TRAPPC10: variants seen among roughly 807,000 people sequenced by gnomAD.
The protein encoded by TRAPPC10 is trafficking protein particle complex subunit 10, also known as TRAPP 130 kDa subunit.
Under a neutral mutation model 125.5 loss-of-function variants are expected in TRAPPC10, and 23 were observed. That is an observed-to-expected ratio of 0.18 (90% CI 0.13 to 0.26). TRAPPC10 has a LOEUF of 0.26. Ranked by LOEUF, TRAPPC10 falls within the 10% of genes least tolerant of loss-of-function variation. The pLI is 1.00. For missense variants in TRAPPC10, 1,123 were observed against 1,308.4 expected (o/e 0.86, Z 2.19); for synonymous variants, 509 against 518.0 (o/e 0.98, Z 0.24).
intron 3 of TRAPPC10, among the ~76,000 whole-genome samples, chr21:44,047,246 C>T (rs542206955): frequency 7.2e-5 from 11 of 152,104 alleles, no homozygotes; most frequent in African/African-American, 2.7e-4. Flanking sequence ...GCAGTGGCAC[C>T]ATCTTGTCTC....
At chr21:44,050,760 A>T (rs540683612) in intron 3 of TRAPPC10, among the ~76,000 whole-genome samples, 1 of 152,380 alleles carries the variant, frequency 6.6e-6, no homozygotes, top group African/African-American at 2.4e-5. Flanking sequence ...TCAAAGTAAA[A>T]GATCTTTTCA....
chr21:44,090,176 A>G (rs1315193647), intron 18 of TRAPPC10, among the ~76,000 whole-genome samples: 1 of 152,076 alleles, frequency 6.6e-6, no homozygotes, highest in African/African-American at 2.4e-5. Flanking sequence ...TTGGGGTCCA[A>G]AATCTCCATC....
chr21:44,015,373 A>T (rs1169602989), intron 1 of TRAPPC10, among the ~76,000 whole-genome samples: 4 of 152,156 alleles, frequency 2.6e-5, no homozygotes, highest in African/African-American at 9.7e-5. Flanking sequence ...GGTAATTAGA[A>T]TAGATTATTA....
chr21:44,038,407 T>C (rs1361077720), intron 3 of TRAPPC10, among the ~76,000 whole-genome samples: 1 of 151,802 alleles, frequency 6.6e-6, no homozygotes, highest in Non-Finnish European at 1.5e-5. Context: ...TCCATTGTCC[T>C]TGGTCATCTG....
Position 44,084,229 on chromosome 21 carries a change from A to C in TRAPPC10, c.2346A>C (p.Ser782=). Residue 782 remains serine (S), a synonymous_variant, in exon 15 of 23, where the codon TCA becomes TCC. Transcript: ENST00000291574. ...IYPIVQYDVY[S]QEPQLHVEPL... ...CCATTGTGCAGTACGACGTGTACTC[A>C]CAGGAGCCCCAGCTGCACGTGGAGC... 1 of 1,613,964 alleles carries C rather than the reference A, an allele frequency of 6.2e-7. No individual in the cohort carries two copies.
chr21:44,030,469 T>C (rs766986224), intron 1 of TRAPPC10, among the ~76,000 whole-genome samples: 3 of 152,040 alleles, frequency 2.0e-5, no homozygotes, highest in Admixed American at 6.5e-5. Flanking sequence ...CTTTTCTTTC[T>C]TTTTCTTTTT....
intron 7 of TRAPPC10, 111 bp from the exon 8 acceptor site, chr21:44,074,213 G>T (rs1006102290): frequency 1.5e-6 from 2 of 1,317,388 alleles, no homozygotes; most frequent in Admixed American, 3.9e-5. Context: ...TAGATGAGGT[G>T]GCTGCTTGAA....
intron 13 of TRAPPC10, among the ~76,000 whole-genome samples, chr21:44,080,402 A>T (rs975436058): frequency 6.6e-6 from 1 of 152,212 alleles, no homozygotes; most frequent in African/African-American, 2.4e-5. Context: ...GGCCATATTC[A>T]TATTTCCCTA....
intron 3 of TRAPPC10, among the ~76,000 whole-genome samples, chr21:44,051,584 G>C (rs1248689903): frequency 3.3e-5 from 5 of 152,222 alleles, no homozygotes; most frequent in African/African-American, 1.2e-4. Flanking sequence ...TCTCTGGCAG[G>C]CTCATGCTTG....
intron 1 of TRAPPC10, among the ~76,000 whole-genome samples, chr21:44,019,044 A>G (rs2032197619): frequency 1.3e-5 from 2 of 151,600 alleles, no homozygotes; most frequent in South Asian, 4.2e-4. Context: ...GAGACCAGCA[A>G]CGGCAGAAGA....
chr21:44,041,795 C>T lies in TRAPPC10; in HGVS notation c.285+3868C>T, dbSNP rs1214975806. ...AGGCTGTAGTGTAGTGGCGCATTCTCGACTCACTGCAACCTCTGCCTCCCA... is the reference window on the plus strand; with the variant it reads ...AGGCTGTAGTGTAGTGGCGCATTCTTGACTCACTGCAACCTCTGCCTCCCA... On this transcript the variant is annotated intron_variant, in intron 3 of 22. Coordinates refer to ENST00000291574, the MANE Select transcript of TRAPPC10 (RefSeq NM_003274.5). Among the ~76,000 whole-genome samples, 5 of 151,970 alleles carry T rather than the reference C, an allele frequency of 3.3e-5. No homozygotes were observed. The South Asian group carries it at 6.2e-4, about 19-fold the overall frequency.
chr21:44,033,382 A>G (rs1482445881), intron 2 of TRAPPC10, among the ~76,000 whole-genome samples: 2 of 152,178 alleles, frequency 1.3e-5, no homozygotes, highest in African/African-American at 4.8e-5. Flanking sequence ...TTAGTTGCTA[A>G]TATTTAATAT....
intron 4 of TRAPPC10, 69 bp from the exon 5 acceptor site, chr21:44,055,629 T>G: frequency 8.1e-7 from 1 of 1,240,712 alleles, no homozygotes; most frequent in Non-Finnish European, 1.1e-6. Flanking sequence ...CTCAGGACAA[T>G]GGCAGCTGCT....
chr21:44,090,121 T>C (rs1286321798), intron 18 of TRAPPC10, among the ~76,000 whole-genome samples, 188 bp downstream of exon 18: 1 of 152,202 alleles, frequency 6.6e-6, no homozygotes, highest in East Asian at 1.9e-4. Context: ...TATTCAGGTT[T>C]TCCCAACTGT....
Position 44,028,827 on chromosome 21 carries a change from G to C in TRAPPC10, c.68-3264G>C, listed in dbSNP as rs555839140. Among the ~76,000 whole-genome samples, 7 of 152,256 alleles carry C rather than the reference G, an allele frequency of 4.6e-5. No individual in the cohort carries two copies. In the South Asian group the frequency reaches 1.5e-3, roughly 32 times the overall value. On this transcript the variant is annotated intron_variant, in intron 1 of 22. Transcript: ENST00000291574. ...CACATCAGTCTCAAGCCCCGTTTTG[G>C]CTCTTAGGAACCACCCTATTAACAA...
chr21:44,066,890 T>G (rs1024641443), intron 7 of TRAPPC10, among the ~76,000 whole-genome samples: 1 of 152,268 alleles, frequency 6.6e-6, no homozygotes, highest in African/African-American at 2.4e-5. Flanking sequence ...ATGCTAGTGA[T>G]GCCTGTTTTC....
intron 1 of TRAPPC10, among the ~76,000 whole-genome samples, chr21:44,013,196 C>T (rs1392289027): frequency 6.6e-6 from 1 of 152,234 alleles, no homozygotes; most frequent in East Asian, 1.9e-4. Context: ...ACTACGGACA[C>T]CTGGTGCCTC....
In TRAPPC10 at chr21:44,052,397, AAAAAC is replaced by A; in HGVS notation, c.409_413del (p.Lys137GlnfsTer15). On this transcript the variant is annotated frameshift_variant, in exon 4 of 23. Transcript: ENST00000291574. LOFTEE classifies it high-confidence loss of function. ...GATAGTTGAAAATGATGCCAAGAAA[AAAAAC>A]AAAACCAACATCCTTCCCCGAACCT... is the stretch of plus-strand genomic sequence containing the variant. The A allele has an allele frequency of 6.2e-7, 1 of 1,614,098 alleles. No homozygotes were observed. Among genetic ancestry groups the A allele is most frequent in the Non-Finnish European group, 8.5e-7 (1 of 1,180,028 alleles).
At chr21:44,046,204 C>A in intron 3 of TRAPPC10, 1 of 191,880 alleles carries the variant, frequency 5.2e-6, no homozygotes, top group Non-Finnish European at 1.2e-5. Context: ...GGTTGGAAAG[C>A]TAATTAAACT....
Sources: gnomAD v4.1 joint callset for allele counts (sites outside exome capture counted in the v4.1 genomes callset) on GRCh38, gnomAD v4.1.1 for gene constraint, MANE v1.5 for transcripts, NCBI Gene and HGNC (gene_info 2026-07-23, HGNC 2026-07-21) for gene names.